Variants in PCSK6 observed in about 807,000 individuals in gnomAD.
PCSK6 encodes proprotein convertase subtilisin/kexin type 6.
PCSK6 carries 85 observed loss-of-function variants against 123.3 expected under a neutral mutation model. The ratio of observed to expected loss-of-function variants is 0.69; its 90% CI spans 0.58 to 0.83. The LOEUF (loss-of-function observed/expected upper bound fraction) is 0.83, where lower values mean the gene tolerates loss of function less well. PCSK6 is among the 40% of genes least tolerant of loss of function. The pLI, the probability that PCSK6 is intolerant of heterozygous loss-of-function variation, is 0.00. For synonymous variants in PCSK6, 508 were observed against 516.0 expected (o/e 0.98, Z 0.21); for missense variants, 1,191 against 1,282.3 (o/e 0.93, Z 1.09).
At chr15:101,374,851 C>G (rs1212185620) in intron 11 of PCSK6, among the ~76,000 whole-genome samples, 1 of 152,198 alleles carries the variant, frequency 6.6e-6, no homozygotes, top group Non-Finnish European at 1.5e-5. Context: ...AGGATGCACG[C>G]TCTCAACAAG....
chr15:101,406,912 C>T (rs1269328688), intron 6 of PCSK6, among the ~76,000 whole-genome samples: 2 of 152,238 alleles, frequency 1.3e-5, no homozygotes, highest in African/African-American at 4.8e-5. Context: ...GTCCTGCATG[C>T]AGCCCTGGAT....
At chr15:101,308,220 C>CG (rs1567133805) in intron 20 of PCSK6, 1 of 152,342 alleles carries the variant, frequency 6.6e-6, no homozygotes, top group Admixed American at 6.5e-5. Flanking sequence ...CCCGGTGACT[C>CG]GGTCTCCACA....
chr15:101,449,306 C>A (rs907358499), intron 1 of PCSK6, among the ~76,000 whole-genome samples: 1 of 152,150 alleles, frequency 6.6e-6, no homozygotes, highest in African/African-American at 2.4e-5. Flanking sequence ...AAAATAGTTT[C>A]TACATCCACC....
intron 20 of PCSK6, among the ~76,000 whole-genome samples, chr15:101,309,830 T>C (rs905856339): frequency 9.9e-5 from 15 of 152,234 alleles, no homozygotes; most frequent in Non-Finnish European, 1.8e-4. Context: ...GTCTTGAGGG[T>C]GTCCGGCCCC....
chr15:101,481,028 G>A (rs1442118893), intron 1 of PCSK6, among the ~76,000 whole-genome samples: 2 of 152,214 alleles, frequency 1.3e-5, no homozygotes, highest in Non-Finnish European at 2.9e-5. Context: ...CCAGGCCAGT[G>A]AGAGCACACA....
intron 13 of PCSK6, chr15:101,337,013 T>C (rs1976034): frequency 0.045 from 6,437 of 143,262 alleles, 247 homozygotes; most frequent in East Asian, 0.13. Context: ...CTCTCTCTCT[T>C]TTTTTTTTTT....
chr15:101,313,554 A>T (rs1203803351), intron 19 of PCSK6, 49 bp from the exon 20 acceptor site: 1 of 1,555,276 alleles, frequency 6.4e-7, no homozygotes, highest in Admixed American at 1.7e-5. Context: ...CTGGCAGAAG[A>T]CCATGCCCCA....
intron 13 of PCSK6, among the ~76,000 whole-genome samples, chr15:101,364,355 T>C (rs994952570): frequency 6.6e-6 from 1 of 152,214 alleles, no homozygotes; most frequent in Non-Finnish European, 1.5e-5. Context: ...TAGACCTTTG[T>C]GGGTAACTAC....
intron 1 of PCSK6, among the ~76,000 whole-genome samples, chr15:101,481,078 A>G (rs964402952): frequency 1.3e-5 from 2 of 152,308 alleles, no homozygotes; most frequent in Middle Eastern, 3.4e-3. Flanking sequence ...TCTGCCGGCC[A>G]CCACAGAGGT....
intron 1 of PCSK6, among the ~76,000 whole-genome samples, chr15:101,484,359 T>A (rs1020566086): frequency 6.6e-6 from 1 of 152,156 alleles, no homozygotes; most frequent in African/African-American, 2.4e-5. Context: ...ATTAATACAG[T>A]ATTGCTTTGT....
chr15:101,380,615 G>C (rs757899766), intron 11 of PCSK6, among the ~76,000 whole-genome samples: 2 of 152,270 alleles, frequency 1.3e-5, no homozygotes, highest in Non-Finnish European at 2.9e-5. Flanking sequence ...TCAGCGGTCA[G>C]TGTGCAATTA....
intron 2 of PCSK6, among the ~76,000 whole-genome samples, chr15:101,441,991 C>G (rs1212472976): frequency 1.3e-5 from 2 of 152,232 alleles, no homozygotes; most frequent in Non-Finnish European, 2.9e-5. Context: ...CCTATGCACC[C>G]TGTACAGAGG....
intron 6 of PCSK6, among the ~76,000 whole-genome samples, chr15:101,402,985 G>A (rs903835098): frequency 2.6e-5 from 4 of 152,144 alleles, no homozygotes; most frequent in South Asian, 4.1e-4. Context: ...TGTTTATTGT[G>A]GCACTATTCA....
intron 6 of PCSK6, among the ~76,000 whole-genome samples, chr15:101,421,920 G>C (rs1269604522): frequency 6.6e-6 from 1 of 152,166 alleles, no homozygotes; most frequent in East Asian, 1.9e-4. Context: ...GCTTATATCA[G>C]ACTAACTCTT....
chr15:101,421,799 G>T (rs2056093349), intron 6 of PCSK6, among the ~76,000 whole-genome samples: 1 of 152,194 alleles, frequency 6.6e-6, no homozygotes, highest in Admixed American at 6.5e-5. Context: ...AGTGTTTGTT[G>T]TTTTAAGCAG....
At chr15:101,396,350 G>C (rs78699588) in intron 7 of PCSK6, among the ~76,000 whole-genome samples, 62 of 152,146 alleles carry the variant, frequency 4.1e-4, no homozygotes, top group African/African-American at 1.4e-3. Context: ...CAGAGAGCCC[G>C]AACGATCACT....
chr15:101,469,827 A>C (rs2057560256), intron 1 of PCSK6, among the ~76,000 whole-genome samples: 1 of 152,210 alleles, frequency 6.6e-6, no homozygotes, highest in Admixed American at 6.5e-5. Context: ...AGTGGATCTG[A>C]AATCTTCTCC....
intron 12 of PCSK6, among the ~76,000 whole-genome samples, chr15:101,369,810 G>C (rs1050631014): frequency 4.4e-4 from 67 of 152,312 alleles, no homozygotes; most frequent in Non-Finnish European, 4.0e-4. Flanking sequence ...AGTTGGCAGA[G>C]AGCAGCCTGG....
chr15:101,437,457 C>T (rs1397827175), intron 2 of PCSK6, among the ~76,000 whole-genome samples: 1 of 129,976 alleles, frequency 7.7e-6, no homozygotes, highest in Non-Finnish European at 1.6e-5. Context: ...GACATTCTAA[C>T]TCAGCCTAGA....
Sources: gnomAD v4.1 joint callset for allele counts (sites outside exome capture counted in the v4.1 genomes callset) on GRCh38, gnomAD v4.1.1 for gene constraint, MANE v1.5 for transcripts, NCBI Gene and HGNC (gene_info 2026-07-23, HGNC 2026-07-21) for gene names.